Variants in ZBTB20 observed in about 807,000 individuals in gnomAD.
ZBTB20 encodes the protein zinc finger and BTB domain containing 20, also known as zinc finger and BTB domain-containing protein 20.
In ZBTB20, 9 loss-of-function variants were observed where a neutral mutation model predicts 56.9. That is an observed-to-expected ratio of 0.16 (90% CI 0.10 to 0.28). ZBTB20 has a LOEUF of 0.28. Ranked by LOEUF, ZBTB20 falls within the 10% of genes least tolerant of loss-of-function variation. The pLI is 1.00. For missense variants in ZBTB20, 655 were observed against 1,003.0 expected (o/e 0.65, Z 4.69); for synonymous variants, 417 against 420.7 (o/e 0.99, Z 0.11).
At chr3:114,672,382 G>A (rs2061402068) in intron 6 of ZBTB20, among the ~76,000 whole-genome samples, 1 of 152,132 alleles carries the variant, frequency 6.6e-6, no homozygotes, top group African/African-American at 2.4e-5. Flanking sequence ...GACTCATTTT[G>A]TGGGCAGGAT....
At chr3:114,886,740 A>G (rs538667842) in intron 4 of ZBTB20, among the ~76,000 whole-genome samples, 1 of 152,332 alleles carries the variant, frequency 6.6e-6, no homozygotes, top group Admixed American at 6.5e-5. Context: ...TTAAAAAAGT[A>G]TGACAGAAAA....
chr3:115,122,137 C>A (rs970130066), intron 1 of ZBTB20, among the ~76,000 whole-genome samples: 3 of 151,812 alleles, frequency 2.0e-5, no homozygotes, highest in African/African-American at 4.8e-5. Context: ...TTATCTTGAT[C>A]GAAAAGAAAA....
intron 4 of ZBTB20, among the ~76,000 whole-genome samples, chr3:114,809,548 C>T (rs1040478987): frequency 6.6e-6 from 1 of 152,026 alleles, no homozygotes; most frequent in Admixed American, 6.6e-5. Flanking sequence ...TATTGATACT[C>T]TCTATTTAAA....
At chr3:114,697,539 CTTTTTTTTTTCT>C (rs1322531522) in intron 5 of ZBTB20, among the ~76,000 whole-genome samples, 1 of 148,200 alleles carries the variant, frequency 6.7e-6, no homozygotes, top group African/African-American at 2.5e-5. Flanking sequence ...CTGTTATTTC[CTTTTTTTTTTCT>C]TTTTGGCTGT....
intron 1 of ZBTB20, among the ~76,000 whole-genome samples, chr3:115,105,623 A>G (rs2083697978): frequency 6.6e-6 from 1 of 151,986 alleles, no homozygotes; most frequent in African/African-American, 2.4e-5. Context: ...GTACCCAGCA[A>G]CTCCATCTAA....
intron 1 of ZBTB20, among the ~76,000 whole-genome samples, chr3:115,083,610 C>A (rs539665723): frequency 6.6e-6 from 1 of 151,946 alleles, no homozygotes; most frequent in African/African-American, 2.4e-5. Context: ...ATATATTCAG[C>A]CATTCAGCAC....
At chr3:115,050,307 A>G (rs567402557) in intron 2 of ZBTB20, among the ~76,000 whole-genome samples, 1 of 152,096 alleles carries the variant, frequency 6.6e-6, no homozygotes, top group South Asian at 2.1e-4. Flanking sequence ...TTTAGTTATA[A>G]TTATGTATAT....
intron 1 of ZBTB20, among the ~76,000 whole-genome samples, chr3:115,134,205 T>C (rs1469146542): frequency 6.6e-6 from 1 of 152,236 alleles, no homozygotes; most frequent in Non-Finnish European, 1.5e-5. Context: ...ACAAAAAATA[T>C]TTCCTTTTCA....
At chr3:115,037,583 C>T (rs897580641) in intron 2 of ZBTB20, among the ~76,000 whole-genome samples, 3 of 151,952 alleles carry the variant, frequency 2.0e-5, no homozygotes, top group African/African-American at 7.3e-5. Context: ...CATGGTGGGC[C>T]CCAAGTAAAG....
chr3:115,085,249 T>C (rs1325402956), intron 1 of ZBTB20, among the ~76,000 whole-genome samples: 1 of 151,956 alleles, frequency 6.6e-6, no homozygotes, highest in Non-Finnish European at 1.5e-5. Context: ...TTGGTGCTCA[T>C]GAAATAAAGC....
At chr3:114,570,099 GC>G (rs2053252576) in intron 6 of ZBTB20, among the ~76,000 whole-genome samples, 1 of 127,026 alleles carries the variant, frequency 7.9e-6, no homozygotes, top group African/African-American at 3.2e-5. Flanking sequence ...TCAGTAATTT[GC>G]AATAAGGATA....
intron 2 of ZBTB20, among the ~76,000 whole-genome samples, chr3:115,014,652 G>C (rs1032042047): frequency 6.6e-6 from 1 of 151,578 alleles, no homozygotes; most frequent in Non-Finnish European, 1.5e-5. Flanking sequence ...AGTCTGCTAG[G>C]AGATGTAGCG....
rs149562028 is a variant in ZBTB20 at position 115,013,490 on chromosome 3, C to T, written c.-506-39074G>A. On this transcript the variant is annotated intron_variant, in intron 2 of 11. Transcript: ENST00000675478. ...TACTAAAATTGAACCAGGAACATAT[C>T]CAAAACCTGAGCAGACCAATAACAA... 4.8e-3 allele frequency among the ~76,000 whole-genome samples: 725 copies of T among 151,642 alleles called. 3 individuals are homozygous for T. The highest frequency in any genetic ancestry group is 0.031 in the Middle Eastern group (9 of 294).
chr3:114,917,143 T>G (rs2075776157), intron 3 of ZBTB20, among the ~76,000 whole-genome samples: 1 of 152,194 alleles, frequency 6.6e-6, no homozygotes, highest in African/African-American at 2.4e-5. Context: ...GTTTGATCAA[T>G]TCTCCCGTTA....
chr3:114,450,891 A>C (rs114700994), intron 7 of ZBTB20, among the ~76,000 whole-genome samples: 53 of 152,256 alleles, frequency 3.5e-4, no homozygotes, highest in Admixed American at 2.0e-3. Context: ...AAATTTTGAG[A>C]TATATAAAAT....
chr3:114,564,108 G>A (rs1050643241), intron 6 of ZBTB20, among the ~76,000 whole-genome samples: 8 of 151,954 alleles, frequency 5.3e-5, no homozygotes, highest in African/African-American at 1.2e-4. Context: ...AACCAGCAAC[G>A]CAGCATCTTT....
intron 3 of ZBTB20, among the ~76,000 whole-genome samples, chr3:114,956,511 C>T (rs1472789457): frequency 1.3e-5 from 2 of 152,156 alleles, no homozygotes; most frequent in Admixed American, 1.3e-4. Context: ...ACCTTTCCCT[C>T]CCTCAGCTGG....
chr3:114,385,683 A>C (rs1191437533), intron 8 of ZBTB20, among the ~76,000 whole-genome samples: 1 of 152,112 alleles, frequency 6.6e-6, no homozygotes, highest in Middle Eastern at 3.2e-3. Context: ...CCTGGCCAAC[A>C]TGGTGAAATC....
chr3:114,355,343 C>T (rs2081136107), intron 10 of ZBTB20, among the ~76,000 whole-genome samples: 1 of 152,078 alleles, frequency 6.6e-6, no homozygotes, highest in South Asian at 2.1e-4. Context: ...TGCACACGTA[C>T]ACAACCTGAT....
Sources: allele counts gnomAD v4.1 joint callset (sites outside exome capture counted in the v4.1 genomes callset), GRCh38; gene constraint gnomAD v4.1.1; transcripts MANE v1.5; gene names NCBI Gene and HGNC (gene_info 2026-07-23, HGNC 2026-07-21).